The following ERAP2 variants were observed in gnomAD, a reference collection of about 807,000 sequenced individuals.
ERAP2 encodes leukocyte-derived arginine aminopeptidase.
ERAP2 carries 118 observed loss-of-function variants against 111.1 expected under a neutral mutation model. The observed-to-expected ratio is 1.06, with a 90% CI of 0.92 to 1.24. ERAP2 has a LOEUF of 1.24. Among genes scored for constraint, ERAP2 ranks in the 50% most tolerant of loss-of-function variants. The pLI is 0.00. For missense variants in ERAP2, 1,131 were observed against 1,125.8 expected, an observed-to-expected ratio of 1.00 and a Z score of -0.07; for synonymous variants, 410 against 401.2, an observed-to-expected ratio of 1.02 and a Z score of -0.26.
At chr5:96,884,047 T>A in intron 3 of ERAP2, 117 bp downstream of exon 3, 1 of 491,912 alleles carries the variant, frequency 2.0e-6, no homozygotes, top group Non-Finnish European at 3.5e-6. Context: ...TCTATCTATC[T>A]ATCTATCTAT....
chr5:96,913,248 G>T, intron 16 of ERAP2, 69 bp from the exon 17 acceptor site: 1 of 1,217,658 alleles, frequency 8.2e-7, no homozygotes. Context: ...TTAATATATT[G>T]GTGGCTTGAG....
rs11954665 is a variant in ERAP2, at chr5:96,919,649, T to G, written c.*2044T>G. ...GCAATTTTATTATTTGATGATAATA[T>G]GAGAATTACTGTGCCAATACTGTTT... On this transcript the variant is annotated 3_prime_UTR_variant, in exon 19 of 19. Coordinates refer to ENST00000437043, the MANE Select transcript of ERAP2 (RefSeq NM_022350.5). 1 of 152,206 alleles carries G rather than the reference T, an allele frequency of 6.6e-6. No individual in the cohort carries two copies. Among genetic ancestry groups the G allele is most frequent in the Non-Finnish European group, 1.5e-5 (1 of 68,040 alleles). 9.4% of individuals were successfully genotyped at this position (152,206 alleles called of 1,614,324 possible).
Position 96,908,975 on chromosome 5 carries a change from C to A in ERAP2, c.2027C>A (p.Thr676Asn). Residue 676 changes from threonine to asparagine, a missense_variant, in exon 14 of 19, where the codon ACC becomes AAC. Thr to Asn is a moderately conservative substitution (Grantham distance 65). Coordinates refer to ENST00000437043, the MANE Select transcript of ERAP2 (RefSeq NM_022350.5). ...TTATACTTCAGTGCAGGGAGACTGA[C>A]CCTAGACAAAGCTCTTGACATGACT... ...VFQLVGAGRL[T>N]LDKALDMTYY... The A allele has an allele frequency of 6.2e-7, 1 of 1,614,066 alleles. No individual in the cohort carries two copies.
At chr5:96,912,331 T>G (rs1786890620) in intron 15 of ERAP2, among the ~76,000 whole-genome samples, 1 of 152,140 alleles carries the variant, frequency 6.6e-6, no homozygotes, top group South Asian at 2.1e-4. Flanking sequence ...ACCAGTAGTT[T>G]TGTATTTCAG....
intron 6 of ERAP2, among the ~76,000 whole-genome samples, chr5:96,893,372 G>A (rs1260340328): frequency 1.3e-5 from 2 of 152,112 alleles, no homozygotes; most frequent in African/African-American, 2.4e-5. Context: ...ACAATAATGA[G>A]CTGTTGTTCT....
chr5:96,876,206 A>G (rs1031421715), upstream of ERAP2: 1 of 152,370 alleles, frequency 6.6e-6, no homozygotes, highest in Non-Finnish European at 1.5e-5. Context: ...CTTGGCACTA[A>G]AAAACATAAA....
chr5:96,881,531 A>G (rs1270889254), intron 2 of ERAP2: 5 of 453,406 alleles, frequency 1.1e-5, no homozygotes, highest in East Asian at 6.9e-5. Flanking sequence ...ATTGTGTTCA[A>G]TTGCCAGTTG....
intron 3 of ERAP2, among the ~76,000 whole-genome samples, chr5:96,884,738 T>G (rs1783548641): frequency 6.6e-6 from 1 of 151,694 alleles, no homozygotes; most frequent in Admixed American, 6.6e-5. Context: ...TTTTTGTATT[T>G]TCAGTAGAGA....
chr5:96,892,703 AT>A (rs1784503739), intron 6 of ERAP2, among the ~76,000 whole-genome samples: 2 of 152,290 alleles, frequency 1.3e-5, no homozygotes, highest in Admixed American at 1.3e-4. Context: ...AAGCCTTCAA[AT>A]GTCATTTGGG....
chr5:96,891,483 A>ATATG (rs1784359932), intron 5 of ERAP2, among the ~76,000 whole-genome samples: 1 of 138,652 alleles, frequency 7.2e-6, no homozygotes, highest in African/African-American at 2.7e-5. Flanking sequence ...ATATATATAT[A>ATATG]TGTGTGTGTG....
chr5:96,911,960 C>T lies in ERAP2; in HGVS notation c.2355-677C>T, dbSNP rs368115518. On this transcript the variant is annotated intron_variant, in intron 15 of 18. Coordinates refer to ENST00000437043, the MANE Select transcript of ERAP2 (RefSeq NM_022350.5). Reference sequence around the variant, plus strand: ...ATCCCAGCACTTTGGGAGGCTGAGGCGGGCGGATCACGAGGTCAGGAAATC... The same window carrying T: ...ATCCCAGCACTTTGGGAGGCTGAGGTGGGCGGATCACGAGGTCAGGAAATC... 2.0e-3 allele frequency among the ~76,000 whole-genome samples: 308 copies of T among 150,488 alleles called. 2 individuals carry two copies. The highest frequency in any genetic ancestry group is 7.2e-3 in the African/African-American group (297 of 41,128).
chr5:96,887,922 T>C (rs1783929375), intron 4 of ERAP2, among the ~76,000 whole-genome samples: 1 of 152,078 alleles, frequency 6.6e-6, no homozygotes, highest in Non-Finnish European at 1.5e-5. Context: ...GGTCAGGAGT[T>C]TGAGACCAGC....
Position 96,901,619 on chromosome 5 carries a change from A to C in ERAP2, c.1686A>C (p.Gln562His), listed in dbSNP as rs1449767310. 6.2e-7 allele frequency: 1 copy of C among 1,614,086 alleles called. No homozygotes were observed. The highest frequency in any genetic ancestry group is 8.5e-7 in the Non-Finnish European group (1 of 1,179,976). Reference protein sequence around the residue: ...VKQDGCSLRLQQERFLQGVFQ... With the variant: ...VKQDGCSLRLHQERFLQGVFQ... Reference sequence around the variant, plus strand: ...AAGACGGGTGTTCACTCCGACTGCAACAGGAGCGCTTCCTCCAGGGGGTTT... The same window carrying C: ...AAGACGGGTGTTCACTCCGACTGCACCAGGAGCGCTTCCTCCAGGGGGTTT... Residue 562 changes from glutamine (Q) to histidine (H), a missense_variant, in exon 11 of 19, where the codon CAA (glutamine) becomes CAC (histidine). Coordinates refer to ENST00000437043, the MANE Select transcript of ERAP2 (RefSeq NM_022350.5).
intron 4 of ERAP2, among the ~76,000 whole-genome samples, chr5:96,888,790 G>A (rs1235832252): frequency 6.6e-6 from 1 of 152,172 alleles, no homozygotes; most frequent in Admixed American, 6.5e-5. Flanking sequence ...CATAGGTCTA[G>A]AAGAAACCTA....
At chr5:96,909,877 G>A (rs1786517211) in intron 15 of ERAP2, 113 bp downstream of exon 15, 3 of 1,068,412 alleles carry the variant, frequency 2.8e-6, no homozygotes, top group South Asian at 3.3e-5. Context: ...AAAAAAACAT[G>A]CTGGGCATTA....
chr5:96,897,290 G>A (rs1784975905), intron 9 of ERAP2, among the ~76,000 whole-genome samples: 1 of 152,078 alleles, frequency 6.6e-6, no homozygotes, highest in Admixed American at 6.6e-5. Context: ...CTAGATCATT[G>A]TGCCTATATT....
chr5:96,903,394 G>A lies in ERAP2; in HGVS notation c.1846G>A (p.Glu616Lys), dbSNP rs371847009. 2 of 1,612,746 alleles carry A rather than the reference G, an allele frequency of 1.2e-6. No individual in the cohort carries two copies. Among genetic ancestry groups the A allele is most frequent in the Non-Finnish European group, 1.7e-6 (2 of 1,179,400 alleles). ...KSKTDTLDLP[E>K]KTSWVKFNVD... ...CCTCTTAGATACTCTGGATCTACCTGAAAAGACCAGTTGGGTGAAATTTAA... is the reference window on the plus strand; with the variant it reads ...CCTCTTAGATACTCTGGATCTACCTAAAAAGACCAGTTGGGTGAAATTTAA... Residue 616 changes from glutamate (E) to lysine (K), a missense_variant, in exon 13 of 19, where the codon GAA becomes AAA. By Grantham distance (56) the Glu-to-Lys change is moderately conservative. This residue lies in a region of ERAP2 where 847 missense variants were observed against 856.5 expected (regional missense o/e 0.99). Coordinates refer to ENST00000437043, the MANE Select transcript of ERAP2 (RefSeq NM_022350.5).
chr5:96,876,767 G>A (rs1782574711), intron 1 of ERAP2, among the ~76,000 whole-genome samples: 2 of 152,014 alleles, frequency 1.3e-5, no homozygotes, highest in African/African-American at 2.4e-5. Context: ...TTTTCTAAGC[G>A]TTTGTGACAA....
intron 5 of ERAP2, among the ~76,000 whole-genome samples, chr5:96,890,634 T>A (rs976119562): frequency 6.6e-6 from 1 of 152,206 alleles, no homozygotes; most frequent in African/African-American, 2.4e-5. Context: ...CCTGTCCTTT[T>A]TCGCCTCTTG....
Sources: gnomAD v4.1 joint callset for allele counts (sites outside exome capture counted in the v4.1 genomes callset) on GRCh38, gnomAD v4.1.1 for gene constraint, gnomAD v4.1.1 regional missense constraint, MANE v1.5 for transcripts, NCBI Gene and HGNC (gene_info 2026-07-23, HGNC 2026-07-21) for gene names.